TMC5: variants seen among roughly 807,000 people sequenced by gnomAD.
The protein encoded by TMC5 is transmembrane channel like 5, also known as transmembrane channel-like protein 5.
TMC5 carries 86 observed loss-of-function variants against 110.5 expected under a neutral mutation model. The observed-to-expected ratio is 0.78, with a 90% confidence interval of 0.65 to 0.93. The LOEUF is 0.93. Among genes scored for constraint, TMC5 ranks in the 40% least tolerant of loss-of-function variants. The probability of loss-of-function intolerance (pLI) is 0.00; values close to 1 mark genes in which losing one functional copy is unlikely to be tolerated. For missense variants in TMC5, 1,144 were observed against 1,222.8 expected, an observed-to-expected ratio of 0.94 and a Z score of 0.96; for synonymous variants, 455 against 439.5, an observed-to-expected ratio of 1.04 and a Z score of -0.44.
chr16:19,440,443 T>TG lies in TMC5; in HGVS notation c.406dup (p.Asp136GlyfsTer36). 1.2e-6 allele frequency: 2 copies of TG among 1,614,094 alleles called. No homozygotes were observed. The highest frequency in any genetic ancestry group is 2.2e-5 in the South Asian group (2 of 91,068). ...ACTACCCTGGATCTCAACGAAATCCTGATTTTGCAGGCTCCAGCAGCAGTG... is the reference window on the plus strand; with the variant it reads ...ACTACCCTGGATCTCAACGAAATCCTGGATTTTGCAGGCTCCAGCAGCAGTG... On this transcript the variant is annotated frameshift_variant, in exon 3 of 22. Transcript: ENST00000542583. LOFTEE classifies it high-confidence loss of function.
At chr16:19,416,881 G>A (rs1027060076), upstream of TMC5, among the ~76,000 whole-genome samples, 2 of 152,080 alleles carry the variant, frequency 1.3e-5, no homozygotes, top group African/African-American at 4.8e-5. Context: ...ATTACCTGAG[G>A]TCAGGAGTTC....
At position 19,486,915 on chromosome 16, in the gene TMC5, C is replaced by A. The variant is rs371791935; in HGVS notation, c.2364-30C>A. On this transcript the variant is annotated intron_variant, in intron 15 of 21. Transcript: ENST00000542583. ...CCCCGACTCCTTGTGTCTCCGCCAG[C>A]CTCTGACACTCACCCTCTCTCCCTC... 8 of 1,599,476 alleles carry A rather than the reference C, an allele frequency of 5.0e-6. No homozygotes were observed. The African/African-American group carries it at 9.4e-5, about 19-fold the overall frequency.
intron 8 of TMC5, among the ~76,000 whole-genome samples, chr16:19,465,051 C>CTT (rs1968139514): frequency 1.0e-5 from 1 of 100,170 alleles, no homozygotes; most frequent in African/African-American, 5.5e-5. Context: ...TTCTTTCTTT[C>CTT]TTTCTTTTCC....
At chr16:19,490,141 A>G (rs1968850747) in intron 17 of TMC5, among the ~76,000 whole-genome samples, 1 of 152,138 alleles carries the variant, frequency 6.6e-6, no homozygotes, top group South Asian at 2.1e-4. Flanking sequence ...TCATTGAGCC[A>G]AGTTACTGCA....
intron 15 of TMC5, among the ~76,000 whole-genome samples, chr16:19,483,949 G>T (rs1025002152): frequency 3.3e-5 from 5 of 152,052 alleles, no homozygotes; most frequent in Non-Finnish European, 7.4e-5. Flanking sequence ...GGGCGTGGTT[G>T]GAAGTGCCTG....
At chr16:19,456,489 A>G in intron 5 of TMC5, 1 of 1,249,512 alleles carries the variant, frequency 8.0e-7, no homozygotes, top group Non-Finnish European at 1.0e-6. Flanking sequence ...CTCCTGAGAA[A>G]ACTCCTCAGG....
intron 1 of TMC5, among the ~76,000 whole-genome samples, chr16:19,418,894 C>A (rs1432463491): frequency 6.6e-6 from 1 of 151,966 alleles, no homozygotes; most frequent in Non-Finnish European, 1.5e-5. Context: ...TGCCCGCCTA[C>A]CTTTTATGAT....
chr16:19,486,928 C>T lies in TMC5; in HGVS notation c.2364-17C>T. 1.2e-6 allele frequency: 2 copies of T among 1,612,248 alleles called. No homozygotes were observed. Among genetic ancestry groups the T allele is most frequent in the Non-Finnish European group, 1.7e-6 (2 of 1,178,460 alleles). On this transcript the variant is annotated splice_polypyrimidine_tract_variant and intron_variant, in intron 15 of 21. Transcript: ENST00000542583. ...TGTCTCCGCCAGCCTCTGACACTCA[C>T]CCTCTCTCCCTCACAGGATTGGCAT...
Position 19,470,887 on chromosome 16 carries a change from G to A in TMC5, c.1782+1062G>A, listed in dbSNP as rs540156974. 1.1e-4 allele frequency among the ~76,000 whole-genome samples: 17 copies of A among 151,706 alleles called. No individual in the cohort carries two copies. In the South Asian group the frequency reaches 3.3e-3, roughly 30 times the overall value. On this transcript the variant is annotated intron_variant, in intron 10 of 21. Coordinates refer to ENST00000542583, the MANE Select transcript of TMC5 (RefSeq NM_001261841.2). ...TCTCTACTAAAAAAAGGACAAAAAAGTAGCCGGGCGTGGTGGCGGGCACCT... is the reference window on the plus strand; with the variant it reads ...TCTCTACTAAAAAAAGGACAAAAAAATAGCCGGGCGTGGTGGCGGGCACCT...
intron 9 of TMC5, among the ~76,000 whole-genome samples, chr16:19,468,036 G>A (rs554662324): frequency 8.5e-5 from 13 of 152,214 alleles, no homozygotes; most frequent in African/African-American, 3.1e-4. Flanking sequence ...GTGCAGTGGT[G>A]TGATCTTGGC....
chr16:19,478,789 C>CTCATCCA, intron 13 of TMC5, among the ~76,000 whole-genome samples: 1 of 152,110 alleles, frequency 6.6e-6, no homozygotes, highest in South Asian at 2.1e-4. Context: ...CATCTATCCA[C>CTCATCCA]TCATCCATCA....
At chr16:19,469,631 C>A in intron 9 of TMC5, 50 bp from the exon 10 acceptor site, 1 of 1,608,952 alleles carries the variant, frequency 6.2e-7, no homozygotes, top group Admixed American at 1.7e-5. Flanking sequence ...CCTGCACTCC[C>A]AGTGACGGCC....
At chr16:19,443,837 A>C (rs1433854445) in intron 3 of TMC5, among the ~76,000 whole-genome samples, 1 of 151,892 alleles carries the variant, frequency 6.6e-6, no homozygotes. Context: ...GGATGGGTAC[A>C]TGGATGGATG....
intron 10 of TMC5, among the ~76,000 whole-genome samples, chr16:19,471,046 AC>A (rs1337256985): frequency 5.9e-5 from 9 of 152,214 alleles, no homozygotes; most frequent in Admixed American, 4.6e-4. Context: ...CCAGAAAAAA[AC>A]AAAGAGCAAG....
In TMC5 at chr16:19,474,145, C is replaced by T. The variant is rs1293035709; in HGVS notation, c.1959C>T (p.Asn653=). 4 of 1,613,782 alleles carry T rather than the reference C, an allele frequency of 2.5e-6. No homozygotes were observed. Among genetic ancestry groups the T allele is most frequent in the Non-Finnish European group, 3.4e-6 (4 of 1,179,990 alleles). The change falls in exon 12 of 22, where the codon AAC becomes AAT. Residue 653 remains asparagine (N), a synonymous_variant. Transcript: ENST00000542583. ...YNLEFLKTHS[N]PGAVLLLPFV... ...TGCAGTTCCTGAAGACACACAGTAA[C>T]CCTGGGGCGGTGCTGTTACTGCCTT...
chr16:19,438,439 A>AAGAAAGAAAGAAAGAAAGAAAGAAAGAG (rs1967404936), intron 2 of TMC5, among the ~76,000 whole-genome samples: 1 of 149,504 alleles, frequency 6.7e-6, no homozygotes, highest in Non-Finnish European at 1.5e-5. Flanking sequence ...AAGAAAGAGA[A>AAGAAAGAAAGAAAGAAAGAAAGAAAGAG]AGAAAGAAAG....
At chr16:19,486,628 T>G (rs1431745534) in intron 15 of TMC5, among the ~76,000 whole-genome samples, 1 of 149,342 alleles carries the variant, frequency 6.7e-6, no homozygotes, top group Non-Finnish European at 1.5e-5. Flanking sequence ...TCACCCCCTC[T>G]TGGCCTCCCA....
chr16:19,483,314 G>A (rs1038093549), intron 15 of TMC5, among the ~76,000 whole-genome samples: 7 of 152,094 alleles, frequency 4.6e-5, no homozygotes, highest in Admixed American at 1.3e-4. Context: ...AGTTAATGCC[G>A]GAACTCTGTG....
At chr16:19,496,672 G>C (rs1383227307) in intron 20 of TMC5, among the ~76,000 whole-genome samples, 1 of 151,900 alleles carries the variant, frequency 6.6e-6, no homozygotes, top group Non-Finnish European at 1.5e-5. Context: ...ATCACTTGAG[G>C]TCAGGAGTTT....
Sources: allele counts gnomAD v4.1 joint callset (sites outside exome capture counted in the v4.1 genomes callset), GRCh38; gene constraint gnomAD v4.1.1; transcripts MANE v1.5; gene names NCBI Gene and HGNC (gene_info 2026-07-23, HGNC 2026-07-21).